CFAP54: variants seen among roughly 807,000 people sequenced by gnomAD.
The protein encoded by CFAP54 is cilia and flagella associated protein 54.
A neutral mutation model predicts 370.4 loss-of-function variants in CFAP54; 290 were observed. That is an observed-to-expected ratio of 0.78 (90% CI 0.71 to 0.86). The LOEUF (loss-of-function observed/expected upper bound fraction) is 0.86. Ranked by LOEUF, CFAP54 falls within the 40% of genes least tolerant of loss-of-function variation. The probability of loss-of-function intolerance (pLI) is 0.00; values close to 1 mark genes in which losing one functional copy is unlikely to be tolerated. For missense variants in CFAP54, 3,399 were observed against 3,528.7 expected (o/e 0.96, Z 0.93); for synonymous variants, 1,206 against 1,236.5 (o/e 0.98, Z 0.52).
At chr12:96,619,293 T>G (rs745571784) in intron 26 of CFAP54, among the ~76,000 whole-genome samples, 1 of 152,218 alleles carries the variant, frequency 6.6e-6, no homozygotes, top group Non-Finnish European at 1.5e-5. Context: ...AGCCTACAGT[T>G]CCAGGATCCT....
chr12:96,654,453 A>G (rs1318629079), intron 36 of CFAP54, among the ~76,000 whole-genome samples: 1 of 150,390 alleles, frequency 6.6e-6, no homozygotes, highest in Non-Finnish European at 1.5e-5. Context: ...GTGAGCCGAG[A>G]TCCCGCCGCT....
chr12:96,636,066 T>TCCTGAGGCTATCTAGAGGCTCTAC (rs1184080237), intron 32 of CFAP54, among the ~76,000 whole-genome samples: 1 of 152,114 alleles, frequency 6.6e-6, no homozygotes, highest in Non-Finnish European at 1.5e-5. Flanking sequence ...ATAACCTATA[T>TCCTGAGGCTATCTAGAGGCTCTAC]CCTGAGGCTA....
At chr12:96,643,507 C>CA (rs1231584796) in intron 32 of CFAP54, among the ~76,000 whole-genome samples, 7 of 151,408 alleles carry the variant, frequency 4.6e-5, no homozygotes, top group Non-Finnish European at 8.8e-5. Context: ...GCTAACAGAA[C>CA]AAAAAAAACT....
At chr12:96,561,868 C>T (rs1457759279) in intron 17 of CFAP54, among the ~76,000 whole-genome samples, 1 of 150,818 alleles carries the variant, frequency 6.6e-6, no homozygotes, top group Non-Finnish European at 1.5e-5. Context: ...TCACTGCAAC[C>T]TCGGCCTCCT....
intron 14 of CFAP54, among the ~76,000 whole-genome samples, chr12:96,542,355 T>C (rs1441937707): frequency 6.6e-6 from 1 of 152,232 alleles, no homozygotes; most frequent in Non-Finnish European, 1.5e-5. Flanking sequence ...GAATTTGATA[T>C]AGATCAAAGT....
intron 30 of CFAP54, among the ~76,000 whole-genome samples, chr12:96,629,443 C>T (rs1439263790): frequency 1.3e-5 from 2 of 151,142 alleles, no homozygotes; most frequent in Non-Finnish European, 2.9e-5. Flanking sequence ...AGCTGGACTA[C>T]AGTAGGCGCC....
intron 26 of CFAP54, among the ~76,000 whole-genome samples, chr12:96,616,911 TA>T (rs1446362620): frequency 6.6e-6 from 1 of 152,062 alleles, no homozygotes; most frequent in Non-Finnish European, 1.5e-5. Context: ...AGCTAATAAT[TA>T]GAGGAGATAA....
intron 38 of CFAP54, among the ~76,000 whole-genome samples, chr12:96,659,868 T>C (rs1956972711): frequency 6.6e-6 from 1 of 152,202 alleles, no homozygotes; most frequent in South Asian, 2.1e-4. Context: ...CTCAATTTTC[T>C]TCTTCTCACA....
intron 23 of CFAP54, among the ~76,000 whole-genome samples, chr12:96,589,827 A>G (rs1326720186): frequency 2.6e-5 from 4 of 151,926 alleles, no homozygotes; most frequent in African/African-American, 9.7e-5. Flanking sequence ...GCTCACTGCA[A>G]CCTCTGCCTC....
rs1958080245 is a variant in CFAP54 at position 96,743,806 on chromosome 12, T to G, written c.7453T>G (p.Leu2485Val). Residue 2485 changes from leucine to valine, a missense_variant, in exon 54 of 68, where the codon TTG (leucine) becomes GTG (valine). Physicochemically the swap from Leu to Val is conservative, Grantham distance 32. Coordinates refer to ENST00000524981, the MANE Select transcript of CFAP54 (RefSeq NM_001306084.2). ...SRLTLARSLV[L>V]LDDLTKAEKF... The stretch of plus-strand genomic sequence containing the variant: ...GCTAACCCTGGCAAGAAGCCTAGTT[T>G]TGCTGGATGACTTAACCAAAGCTGA... 6.2e-7 allele frequency: 1 copy of G among 1,613,886 alleles called. No homozygotes were observed. The highest frequency in any genetic ancestry group is 8.5e-7 in the Non-Finnish European group (1 of 1,179,936).
intron 26 of CFAP54, among the ~76,000 whole-genome samples, chr12:96,617,198 CAG>C (rs1956428917): frequency 6.6e-6 from 1 of 152,122 alleles, no homozygotes; most frequent in Non-Finnish European, 1.5e-5. Context: ...GAGTTTTAAA[CAG>C]ATTGAATTTT....
chr12:96,521,547 T>TGC (rs35540268), intron 6 of CFAP54, among the ~76,000 whole-genome samples: 793 of 39,476 alleles, frequency 0.02, 10 homozygotes, highest in African/African-American at 0.067. Context: ...TGTGTGTGTG[T>TGC]GCGCGTGCGC....
At chr12:96,859,654 C>T (rs1380128822) in intron 66 of CFAP54, among the ~76,000 whole-genome samples, 1 of 152,126 alleles carries the variant, frequency 6.6e-6, no homozygotes. Context: ...ATCCTCCCAC[C>T]TTGGCCTCCC....
At position 96,489,918 on chromosome 12, in the gene CFAP54, C is replaced by T. The variant is rs1193920478; in HGVS notation, c.309C>T (p.Arg103=). 1 of 1,531,554 alleles carries T rather than the reference C, an allele frequency of 6.5e-7. No homozygotes were observed. Among genetic ancestry groups the T allele is most frequent in the Non-Finnish European group, 8.7e-7 (1 of 1,143,642 alleles). 94.9% of individuals were successfully genotyped at this position (1,531,554 alleles called of 1,614,324 possible). Residue 103 remains arginine, a synonymous_variant, in exon 1 of 68, where the codon CGC becomes CGT. Coordinates refer to ENST00000524981, the MANE Select transcript of CFAP54 (RefSeq NM_001306084.2). ...CGGAGGAAGAGAAGCACGAATTCCG[C>T]CGGCGTTGGTAAGCGCTGGCGGGGC... is the stretch of plus-strand genomic sequence containing the variant. ...ATTEEEKHEF[R]RRCATSLFNI...
At chr12:96,493,944 G>T (rs115861180) in intron 1 of CFAP54, among the ~76,000 whole-genome samples, 2,711 of 152,276 alleles carry the variant, frequency 0.018, 103 homozygotes, top group African/African-American at 0.063. Flanking sequence ...TTTCAATAAG[G>T]TGGTCAGAAG....
At chr12:96,743,957 T>G in intron 54 of CFAP54, 47 bp downstream of exon 54, 5 of 1,600,536 alleles carry the variant, frequency 3.1e-6, no homozygotes, top group Non-Finnish European at 4.3e-6. Context: ...TACTTTTCTC[T>G]CTTTCCTCCT....
chr12:96,503,058 TTCTC>T (rs1314428136), intron 2 of CFAP54, among the ~76,000 whole-genome samples: 25 of 127,276 alleles, frequency 2.0e-4, no homozygotes, highest in Non-Finnish European at 3.1e-4. Flanking sequence ...CTCCCTTCCT[TTCTC>T]TCTCTCTCTT....
chr12:96,592,409 T>A, intron 23 of CFAP54, 81 bp from the exon 24 acceptor site: 1 of 379,124 alleles, frequency 2.6e-6, no homozygotes, highest in Non-Finnish European at 4.8e-6. Context: ...GTGTAGATAC[T>A]GAGAACAAAT....
intron 64 of CFAP54, among the ~76,000 whole-genome samples, chr12:96,813,260 A>C (rs1958944310): frequency 6.6e-6 from 1 of 152,192 alleles, no homozygotes; most frequent in Admixed American, 6.5e-5. Context: ...TGAGGCCATC[A>C]CAGAGGACCA....
Sources: allele counts gnomAD v4.1 joint callset (sites outside exome capture counted in the v4.1 genomes callset), GRCh38; gene constraint gnomAD v4.1.1; transcripts MANE v1.5; gene names NCBI Gene and HGNC (gene_info 2026-07-23, HGNC 2026-07-21).